PTPRG: variants seen among roughly 807,000 people sequenced by gnomAD.
PTPRG encodes receptor-type tyrosine-protein phosphatase gamma.
In PTPRG, 102 loss-of-function variants were observed where a neutral mutation model predicts 165.3. The observed-to-expected ratio is 0.62, with a 90% CI of 0.53 to 0.73. PTPRG has a LOEUF of 0.73. PTPRG is among the 30% of genes least tolerant of loss of function. The pLI, the probability that PTPRG is intolerant of heterozygous loss-of-function variation, is 0.00. For missense variants in PTPRG, 1,866 were observed against 1,861.4 expected (o/e 1.00, Z -0.05); for synonymous variants, 675 against 669.5 (o/e 1.01, Z -0.13).
intron 5 of PTPRG, among the ~76,000 whole-genome samples, chr3:62,122,001 C>T (rs759467112): frequency 2.0e-5 from 3 of 152,170 alleles, no homozygotes; most frequent in Non-Finnish European, 4.4e-5. Flanking sequence ...CAAAGCTGAA[C>T]TCTTCAGTTA....
At chr3:61,656,042 C>A (rs539186310) in intron 1 of PTPRG, among the ~76,000 whole-genome samples, 6 of 149,326 alleles carry the variant, frequency 4.0e-5, no homozygotes, top group African/African-American at 7.4e-5. Flanking sequence ...TAGCAAGACC[C>A]CCCCCCCCCC....
rs755712565 is a variant in PTPRG, at chr3:62,275,967, G to C, written c.3559+1G>C. The C allele has an allele frequency of 6.3e-7, 1 of 1,598,834 alleles. No individual in the cohort carries two copies. ...AACAGAAACTCTTCAGTTGTGCCAT[G>C]TAAGACTTTAAAACAGTTTGTTAGT... On this transcript the variant is annotated splice_donor_variant, in intron 24 of 29. Transcript: ENST00000474889. LOFTEE classifies it high-confidence loss of function.
intron 2 of PTPRG, among the ~76,000 whole-genome samples, chr3:61,956,003 A>G (rs2040018026): frequency 6.6e-6 from 1 of 152,112 alleles, no homozygotes; most frequent in Non-Finnish European, 1.5e-5. Flanking sequence ...AGAATTGCCA[A>G]GTTCATTATT....
intron 1 of PTPRG, among the ~76,000 whole-genome samples, chr3:61,617,182 TGGGAGGAAC>T (rs2106887585): frequency 6.6e-6 from 1 of 152,312 alleles, no homozygotes; most frequent in South Asian, 2.1e-4. Flanking sequence ...TTACACTGTG[TGGGAGGAAC>T]TGCAAAGTTG....
intron 1 of PTPRG, among the ~76,000 whole-genome samples, chr3:61,606,741 G>C (rs1267592040): frequency 6.6e-6 from 1 of 152,196 alleles, no homozygotes; most frequent in Non-Finnish European, 1.5e-5. Flanking sequence ...AGGAAGAAAG[G>C]CAGCTTTCCT....
At chr3:61,973,832 CAAA>C (rs1346616707) in intron 2 of PTPRG, among the ~76,000 whole-genome samples, 2 of 124,916 alleles carry the variant, frequency 1.6e-5, no homozygotes, top group Non-Finnish European at 3.4e-5. Context: ...GACTCCATTT[CAAA>C]ATAAATAAAT....
At chr3:62,028,436 T>A (rs994177364) in intron 4 of PTPRG, among the ~76,000 whole-genome samples, 9 of 152,196 alleles carry the variant, frequency 5.9e-5, no homozygotes, top group Admixed American at 5.9e-4. Flanking sequence ...TTTCATTAAA[T>A]CCTGTTGTTC....
At chr3:61,785,598 A>G (rs1398775312) in intron 2 of PTPRG, among the ~76,000 whole-genome samples, 1 of 152,204 alleles carries the variant, frequency 6.6e-6, no homozygotes, top group Non-Finnish European at 1.5e-5. Flanking sequence ...CCTGGCTTCA[A>G]ATGATAGTGC....
intron 1 of PTPRG, among the ~76,000 whole-genome samples, chr3:61,695,934 A>G (rs1189102659): frequency 1.3e-5 from 2 of 152,188 alleles, no homozygotes; most frequent in African/African-American, 4.8e-5. Flanking sequence ...AAATGTTAGA[A>G]TGAGTGAATG....
chr3:62,110,854 A>G (rs1702645138), intron 5 of PTPRG, among the ~76,000 whole-genome samples: 2 of 152,232 alleles, frequency 1.3e-5, no homozygotes, highest in African/African-American at 4.8e-5. Flanking sequence ...AAGGAAAATA[A>G]ATAGTTTCTG....
At chr3:61,634,446 G>A (rs1306427201) in intron 1 of PTPRG, among the ~76,000 whole-genome samples, 2 of 151,960 alleles carry the variant, frequency 1.3e-5, no homozygotes. Flanking sequence ...CAGTATGTTG[G>A]CCAGGCTGGT....
chr3:61,678,179 C>T (rs984892158), intron 1 of PTPRG, among the ~76,000 whole-genome samples: 1 of 152,096 alleles, frequency 6.6e-6, no homozygotes, highest in African/African-American at 2.4e-5. Context: ...GGCTGCCCTC[C>T]CGCAATCCAA....
At chr3:62,122,612 C>T (rs1480982063) in intron 5 of PTPRG, among the ~76,000 whole-genome samples, 1 of 152,140 alleles carries the variant, frequency 6.6e-6, no homozygotes, top group Non-Finnish European at 1.5e-5. Context: ...TTCTGTGCTG[C>T]AATTAATTGG....
intron 2 of PTPRG, among the ~76,000 whole-genome samples, chr3:61,836,548 T>C (rs549318669): frequency 1.3e-5 from 2 of 152,222 alleles, no homozygotes; most frequent in African/African-American, 4.8e-5. Flanking sequence ...CCGGGTACTT[T>C]GCATAATGCC....
chr3:62,276,169 G>A (rs541666005), intron 24 of PTPRG, among the ~76,000 whole-genome samples: 1 of 152,092 alleles, frequency 6.6e-6, no homozygotes, highest in Non-Finnish European at 1.5e-5. Flanking sequence ...ACTACCAAAA[G>A]GGAAAATGTT....
In PTPRG at chr3:61,613,383, T is replaced by A. The variant is rs540984361; in HGVS notation, c.85+51011T>A. Among the ~76,000 whole-genome samples the A allele has an allele frequency of 3.2e-4, 48 of 152,356 alleles. No individual in the cohort carries two copies. The South Asian group carries it at 1.0e-2, about 32-fold the overall frequency. ...ATATTTAGGTATTAATATTCCCTTG[T>A]GGCTCAATCAGCTCTTTGAAGATGA... On this transcript the variant is annotated intron_variant, in intron 1 of 29. Transcript: ENST00000474889.
At chr3:62,167,559 G>A (rs1576087080) in intron 7 of PTPRG, among the ~76,000 whole-genome samples, 2 of 152,276 alleles carry the variant, frequency 1.3e-5, no homozygotes, top group Non-Finnish European at 2.9e-5. Flanking sequence ...CACAGAGTGG[G>A]TAGGCGATGG....
intron 13 of PTPRG, among the ~76,000 whole-genome samples, chr3:62,223,116 G>A (rs1202257651): frequency 6.6e-6 from 1 of 152,060 alleles, no homozygotes; most frequent in African/African-American, 2.4e-5. Flanking sequence ...CAGTGTTGTT[G>A]GAGCAGAGTG....
chr3:61,925,351 T>C (rs981992912), intron 2 of PTPRG, among the ~76,000 whole-genome samples: 1 of 152,208 alleles, frequency 6.6e-6, no homozygotes, highest in African/African-American at 2.4e-5. Context: ...ACTAGCCTCA[T>C]GGAGCCTGGC....
Sources: gnomAD v4.1 joint callset for allele counts (sites outside exome capture counted in the v4.1 genomes callset) on GRCh38, gnomAD v4.1.1 for gene constraint, MANE v1.5 for transcripts, NCBI Gene and HGNC (gene_info 2026-07-23, HGNC 2026-07-21) for gene names.